PPP2R5E: variants seen among roughly 807,000 people sequenced by gnomAD.
PPP2R5E encodes the protein protein phosphatase 2 regulatory subunit B'epsilon.
A neutral mutation model predicts 65.3 loss-of-function variants in PPP2R5E; 4 were observed. The ratio of observed to expected loss-of-function variants is 0.06; its 90% confidence interval spans 0.03 to 0.14. The LOEUF (loss-of-function observed/expected upper bound fraction) is 0.14, where lower values mean the gene tolerates loss of function less well. Among genes scored for constraint, PPP2R5E ranks in the 10% least tolerant of loss-of-function variants. PPP2R5E has a pLI of 1.00. For missense variants in PPP2R5E, 274 were observed against 556.1 expected, an observed-to-expected ratio of 0.49 and a Z score of 5.10; for synonymous variants, 183 against 187.4, an observed-to-expected ratio of 0.98 and a Z score of 0.19.
chr14:63,534,696 T>G (rs1893595504), intron 2 of PPP2R5E, among the ~76,000 whole-genome samples: 1 of 152,230 alleles, frequency 6.6e-6, no homozygotes, highest in South Asian at 2.1e-4. Context: ...CACAGCTCAC[T>G]GCAGCCTCAG....
At chr14:63,534,666 A>G (rs751098352) in intron 2 of PPP2R5E, among the ~76,000 whole-genome samples, 17 of 152,288 alleles carry the variant, frequency 1.1e-4, no homozygotes, top group Middle Eastern at 3.4e-3. Flanking sequence ...TGTCAGCCAC[A>G]CTGGACACAG....
chr14:63,490,259 T>A (rs932507880), intron 2 of PPP2R5E, among the ~76,000 whole-genome samples: 1 of 152,054 alleles, frequency 6.6e-6, no homozygotes, highest in African/African-American at 2.4e-5. Context: ...CCTACACCTT[T>A]CACCATATAC....
At chr14:63,472,118 G>A (rs1890164161) in intron 2 of PPP2R5E, among the ~76,000 whole-genome samples, 1 of 152,138 alleles carries the variant, frequency 6.6e-6, no homozygotes, top group Admixed American at 6.5e-5. Flanking sequence ...TGGCCAACAT[G>A]GCAAAACCCC....
intron 3 of PPP2R5E, among the ~76,000 whole-genome samples, chr14:63,437,914 C>A (rs1392734705): frequency 6.6e-6 from 1 of 152,172 alleles, no homozygotes; most frequent in Non-Finnish European, 1.5e-5. Context: ...CTCACCATGA[C>A]CCCACCAGCT....
intron 1 of PPP2R5E, among the ~76,000 whole-genome samples, chr14:63,541,914 G>A (rs1893918930): frequency 6.6e-6 from 1 of 151,980 alleles, no homozygotes; most frequent in Non-Finnish European, 1.5e-5. Flanking sequence ...AATGACTATA[G>A]ATGTTAAGAT....
chr14:63,463,714 AGCC>A (rs2139521385), intron 2 of PPP2R5E, among the ~76,000 whole-genome samples: 1 of 150,704 alleles, frequency 6.6e-6, no homozygotes, highest in East Asian at 2.0e-4. Context: ...CTCCTGCCTC[AGCC>A]TCCCGAGTAG....
In PPP2R5E at chr14:63,522,958, G is replaced by A. The variant is rs1224292379; in HGVS notation, c.157+16571C>T. ...CAGCCGCCCCGTCCGGGAGGGAGGT[G>A]GGGGGGTCAGCCCCCTGCCCGGCCA... On this transcript the variant is annotated intron_variant, in intron 2 of 13. Coordinates refer to ENST00000337537, the MANE Select transcript of PPP2R5E (RefSeq NM_006246.5). 1.5e-4 allele frequency among the ~76,000 whole-genome samples: 22 copies of A among 145,910 alleles called. 1 individual carries two copies. The highest frequency in any genetic ancestry group is 6.0e-4 in the Admixed American group (9 of 14,968).
intron 2 of PPP2R5E, among the ~76,000 whole-genome samples, chr14:63,474,687 AAAAAAAAAAAAAACAAGAAGAAGAAAAGC>A (rs1890315806): frequency 6.6e-6 from 1 of 150,380 alleles, no homozygotes; most frequent in African/African-American, 2.4e-5. Flanking sequence ...AAAAAAAAAA[AAAAAAAAAAAAAACAAGAAGAAGAAAAGC>A]AAAAGAAATG....
intron 3 of PPP2R5E, among the ~76,000 whole-genome samples, chr14:63,430,349 A>ACATACATACATACAAACATACATG (rs1887572461): frequency 7.7e-5 from 8 of 103,650 alleles, no homozygotes; most frequent in African/African-American, 3.0e-4. Context: ...ACCCATGTAT[A>ACATACATACATACAAACATACATG]CATACATACA....
intron 5 of PPP2R5E, among the ~76,000 whole-genome samples, chr14:63,397,512 A>G (rs1416993260): frequency 4.1e-5 from 6 of 145,190 alleles, no homozygotes; most frequent in Non-Finnish European, 8.9e-5. Context: ...TAAAAAAAAA[A>G]AAAAAAAAAA....
At chr14:63,537,342 G>C (rs968740715) in intron 2 of PPP2R5E, among the ~76,000 whole-genome samples, 1 of 152,062 alleles carries the variant, frequency 6.6e-6, no homozygotes, top group African/African-American at 2.4e-5. Flanking sequence ...CTAAAAACCA[G>C]TGTCTCCCAA....
At chr14:63,528,565 C>T (rs1893277915) in intron 2 of PPP2R5E, among the ~76,000 whole-genome samples, 1 of 152,148 alleles carries the variant, frequency 6.6e-6, no homozygotes, top group Admixed American at 6.6e-5. Context: ...CACAAACCCA[C>T]TCAGGATTTT....
chr14:63,485,242 A>G (rs961495034), intron 2 of PPP2R5E, among the ~76,000 whole-genome samples: 2 of 151,228 alleles, frequency 1.3e-5, no homozygotes, highest in African/African-American at 4.9e-5. Flanking sequence ...ATGAATTAAG[A>G]TATGTGAATA....
At chr14:63,460,330 A>G (rs1249732492) in intron 2 of PPP2R5E, among the ~76,000 whole-genome samples, 1 of 152,190 alleles carries the variant, frequency 6.6e-6, no homozygotes, top group Non-Finnish European at 1.5e-5. Context: ...TGCAGCTAGT[A>G]TCTGAACCCC....
intron 2 of PPP2R5E, among the ~76,000 whole-genome samples, chr14:63,499,685 C>A (rs958570680): frequency 6.6e-6 from 1 of 151,912 alleles, no homozygotes; most frequent in Middle Eastern, 3.4e-3. Flanking sequence ...TGAGATCGCA[C>A]CACTGCACTC....
At chr14:63,432,412 C>G (rs187049789) in intron 3 of PPP2R5E, among the ~76,000 whole-genome samples, 1 of 152,124 alleles carries the variant, frequency 6.6e-6, no homozygotes, top group Non-Finnish European at 1.5e-5. Context: ...TCTAGAAGAT[C>G]GGAGCACTGC....
At chr14:63,475,750 A>T (rs1401769487) in intron 2 of PPP2R5E, among the ~76,000 whole-genome samples, 1 of 148,932 alleles carries the variant, frequency 6.7e-6, no homozygotes, top group Non-Finnish European at 1.5e-5. Context: ...GGCTTTTAAA[A>T]CTTTTATGAT....
At chr14:63,401,184 A>G (rs1885732352) in intron 5 of PPP2R5E, among the ~76,000 whole-genome samples, 1 of 152,194 alleles carries the variant, frequency 6.6e-6, no homozygotes, top group South Asian at 2.1e-4. Flanking sequence ...TGATGATTTT[A>G]TGATGTATGA....
chr14:63,522,476 C>T (rs1472249441), intron 2 of PPP2R5E, among the ~76,000 whole-genome samples: 1 of 150,502 alleles, frequency 6.6e-6, no homozygotes, highest in Admixed American at 6.6e-5. Flanking sequence ...TCTGCCCGGC[C>T]GCCATCCCAT....
Sources: gnomAD v4.1 joint callset for allele counts (sites outside exome capture counted in the v4.1 genomes callset) on GRCh38, gnomAD v4.1.1 for gene constraint, MANE v1.5 for transcripts, NCBI Gene and HGNC (gene_info 2026-07-23, HGNC 2026-07-21) for gene names.